MTUS2: variants seen among roughly 807,000 people sequenced by gnomAD.
MTUS2 encodes the protein microtubule-associated tumor suppressor candidate 2.
Under a neutral mutation model 114.1 loss-of-function variants are expected in MTUS2, and 40 were observed. That is an observed-to-expected ratio of 0.35 (90% CI 0.27 to 0.46). The LOEUF is 0.46. Among genes scored for constraint, MTUS2 ranks in the 20% least tolerant of loss-of-function variants. MTUS2 has a pLI of 1.00. For synonymous variants in MTUS2, 688 were observed against 672.0 expected (o/e 1.02, Z -0.37); for missense variants, 1,679 against 1,705.4 (o/e 0.98, Z 0.27).
chr13:29,166,986 C>T (rs971009007), intron 5 of MTUS2, among the ~76,000 whole-genome samples: 2 of 152,152 alleles, frequency 1.3e-5, no homozygotes, highest in Non-Finnish European at 2.9e-5. Context: ...ATCTACCAAG[C>T]CATGTGTTTT....
intron 4 of MTUS2, among the ~76,000 whole-genome samples, chr13:29,053,805 A>G (rs1458452690): frequency 1.3e-5 from 2 of 152,120 alleles, no homozygotes; most frequent in African/African-American, 2.4e-5. Flanking sequence ...TTGATCATCT[A>G]TTCACCTGTT....
At chr13:28,867,064 ATACT>A (rs1473822151) in intron 2 of MTUS2, among the ~76,000 whole-genome samples, 8 of 152,202 alleles carry the variant, frequency 5.3e-5, no homozygotes, top group African/African-American at 1.9e-4. Flanking sequence ...GTTTTAAATC[ATACT>A]TACCCTATTT....
chr13:29,110,326 C>T (rs75329552), intron 5 of MTUS2, among the ~76,000 whole-genome samples: 2,053 of 152,354 alleles, frequency 0.013, 55 homozygotes, highest in African/African-American at 0.047. Context: ...CTTTGCACAG[C>T]TTCTCATTTT....
At chr13:29,192,173 T>TA (rs947999069) in intron 5 of MTUS2, among the ~76,000 whole-genome samples, 25 of 152,366 alleles carry the variant, frequency 1.6e-4, no homozygotes, top group African/African-American at 6.0e-4. Context: ...ATCTAGGTCT[T>TA]AGATATTTTG....
intron 4 of MTUS2, among the ~76,000 whole-genome samples, chr13:29,074,012 A>T (rs1889067918): frequency 6.6e-6 from 1 of 152,044 alleles, no homozygotes; most frequent in South Asian, 2.1e-4. Context: ...TGCTCTCAGA[A>T]CACCAGGATT....
chr13:28,962,021 T>C (rs1883350126), intron 2 of MTUS2, among the ~76,000 whole-genome samples: 1 of 151,622 alleles, frequency 6.6e-6, no homozygotes, highest in African/African-American at 2.4e-5. Context: ...TTTAAAAATC[T>C]CTTTCTATAC....
At chr13:28,964,453 A>G (rs1318051155) in intron 2 of MTUS2, among the ~76,000 whole-genome samples, 2 of 152,106 alleles carry the variant, frequency 1.3e-5, no homozygotes, top group Non-Finnish European at 2.9e-5. Flanking sequence ...CCGACCCATT[A>G]ACACCACCAG....
chr13:29,472,049 A>C (rs536227951), intron 9 of MTUS2, among the ~76,000 whole-genome samples: 2 of 151,986 alleles, frequency 1.3e-5, no homozygotes, highest in Admixed American at 1.3e-4. Context: ...TTTTGAGATG[A>C]AGTCTTGCTC....
rs1883096262 is a variant in MTUS2, at chr13:29,504,344, C to G, written c.*1138C>G. Reference sequence around the variant, plus strand: ...CTTCAGTTTGGTTCTACAACTCAACCCCTTCACTGCACATTGAGATGGCTC... The same window carrying G: ...CTTCAGTTTGGTTCTACAACTCAACGCCTTCACTGCACATTGAGATGGCTC... On this transcript the variant is annotated 3_prime_UTR_variant, in exon 16 of 16. Coordinates refer to ENST00000612955, the MANE Select transcript of MTUS2 (RefSeq NM_001033602.4). The G allele has an allele frequency of 1.3e-5, 3 of 232,150 alleles. No individual in the cohort carries two copies. Among genetic ancestry groups the G allele is most frequent in the Non-Finnish European group, 2.6e-5 (3 of 117,216 alleles). 14.4% of individuals were successfully genotyped at this position (232,150 alleles called of 1,614,324 possible). A position where few individuals can be genotyped will look rare whatever the true frequency, so the allele number is the denominator to read the frequency against.
chr13:29,191,558 G>GA (rs2139196051), intron 5 of MTUS2, among the ~76,000 whole-genome samples: 1 of 152,210 alleles, frequency 6.6e-6, no homozygotes, highest in South Asian at 2.1e-4. Context: ...GAAGTGCAAA[G>GA]ATGGGCTGGG....
chr13:29,027,681 A>T (rs531998601), intron 3 of MTUS2, among the ~76,000 whole-genome samples: 204 of 152,100 alleles, frequency 1.3e-3, no homozygotes, highest in East Asian at 1.9e-3. Context: ...CTTCCCTAGT[A>T]CCTGGGACTA....
chr13:29,475,266 A>G (rs1175642129), intron 9 of MTUS2, among the ~76,000 whole-genome samples: 3 of 152,242 alleles, frequency 2.0e-5, no homozygotes, highest in Non-Finnish European at 2.9e-5. Flanking sequence ...GCTGGTATAA[A>G]CAAACCTAAT....
At chr13:29,365,494 G>GT (rs11433859) in intron 8 of MTUS2, among the ~76,000 whole-genome samples, 112,210 of 151,064 alleles carry the variant, frequency 0.74, 41,826 homozygotes, top group East Asian at 0.83. Flanking sequence ...TCATCAATAC[G>GT]TTTTTTTGTT....
At chr13:29,186,441 G>A (rs1287804354) in intron 5 of MTUS2, among the ~76,000 whole-genome samples, 4 of 152,064 alleles carry the variant, frequency 2.6e-5, no homozygotes, top group Non-Finnish European at 5.9e-5. Context: ...CAAAAAACAT[G>A]GGAAAAATGT....
At chr13:28,862,154 C>G (rs1469478685) in intron 2 of MTUS2, among the ~76,000 whole-genome samples, 1 of 152,130 alleles carries the variant, frequency 6.6e-6, no homozygotes, top group Admixed American at 6.5e-5. Context: ...TAGCACAGAT[C>G]AATCTGAATG....
chr13:28,986,554 G>T (rs117424903), intron 2 of MTUS2, among the ~76,000 whole-genome samples: 1 of 152,140 alleles, frequency 6.6e-6, no homozygotes, highest in Non-Finnish European at 1.5e-5. Flanking sequence ...AATGTTCACC[G>T]TGTCCCCTGA....
At chr13:29,320,654 G>GC (rs1344797025) in intron 6 of MTUS2, among the ~76,000 whole-genome samples, 1 of 152,216 alleles carries the variant, frequency 6.6e-6, no homozygotes, top group Non-Finnish European at 1.5e-5. Context: ...TGAAGCCCAG[G>GC]GTAAGCTTTG....
chr13:29,403,111 C>T (rs935392674), intron 8 of MTUS2, among the ~76,000 whole-genome samples: 9 of 152,208 alleles, frequency 5.9e-5, no homozygotes, highest in African/African-American at 1.9e-4. Flanking sequence ...ACTTGCTTCT[C>T]ACTTGTCTTA....
chr13:29,026,993 T>C, intron 3 of MTUS2, 90 bp downstream of exon 3: 1 of 1,305,546 alleles, frequency 7.7e-7, no homozygotes, highest in Non-Finnish European at 1.0e-6. Context: ...TAAAATGTCC[T>C]CTTTAAGTGA....
Sources: allele counts gnomAD v4.1 joint callset (sites outside exome capture counted in the v4.1 genomes callset), GRCh38; gene constraint gnomAD v4.1.1; transcripts MANE v1.5; gene names NCBI Gene and HGNC (gene_info 2026-07-23, HGNC 2026-07-21).